Variants in IRAG2 observed in about 807,000 individuals in gnomAD.
The protein encoded by IRAG2 is lymphoid restricted membrane protein.
IRAG2 carries 45 observed loss-of-function variants against 69.9 expected under a neutral mutation model. The ratio of observed to expected loss-of-function variants is 0.64; its 90% CI spans 0.51 to 0.83. The LOEUF is 0.83. IRAG2 is among the 40% of genes least tolerant of loss of function. The pLI is 0.00. For synonymous variants in IRAG2, 193 were observed against 202.4 expected (o/e 0.95, Z 0.40); for missense variants, 520 against 587.0 (o/e 0.89, Z 1.18).
intron 3 of IRAG2, among the ~76,000 whole-genome samples, chr12:25,012,393 G>C (rs1394257157): frequency 2.0e-5 from 3 of 151,698 alleles, no homozygotes; most frequent in Non-Finnish European, 2.9e-5. Context: ...GATCTCAGCT[G>C]ATCTGCCCAC....
intron 16 of IRAG2, among the ~76,000 whole-genome samples, chr12:25,044,718 CGAT>C (rs1944778521): frequency 1.3e-5 from 2 of 151,280 alleles, no homozygotes; most frequent in South Asian, 4.2e-4. Context: ...CAAGAAAATA[CGAT>C]ATCTACACAC....
intron 6 of IRAG2, among the ~76,000 whole-genome samples, chr12:25,069,655 G>A (rs1380693456): frequency 1.3e-5 from 2 of 152,180 alleles, no homozygotes; most frequent in African/African-American, 4.8e-5. Context: ...CCTGTGTTTA[G>A]TATGCACTGT....
intron 8 of IRAG2, 27 bp from the exon 9 acceptor site, chr12:25,079,629 C>T (rs759417403): frequency 9.3e-6 from 13 of 1,400,032 alleles, no homozygotes; most frequent in South Asian, 2.3e-5. Flanking sequence ...GCATAGTATT[C>T]GCACCATTTG....
intron 10 of IRAG2, among the ~76,000 whole-genome samples, chr12:25,087,817 T>C (rs374239688): frequency 6.6e-6 from 1 of 152,098 alleles, no homozygotes; most frequent in South Asian, 2.1e-4. Context: ...ACGAACCCTA[T>C]TGTGAACTGT....
upstream of IRAG2, among the ~76,000 whole-genome samples, chr12:25,001,110 C>T (rs1944388547): frequency 1.3e-5 from 2 of 152,136 alleles, no homozygotes; most frequent in African/African-American, 4.8e-5. Context: ...ACAAGTTAAT[C>T]TTATGCAGCT....
chr12:25,095,606 T>C (rs981222199), intron 14 of IRAG2, among the ~76,000 whole-genome samples: 7 of 152,186 alleles, frequency 4.6e-5, no homozygotes, highest in Non-Finnish European at 7.4e-5. Context: ...TGTAGTTTTT[T>C]TTCTTTAATG....
At chr12:25,041,875 AT>A (rs111594944) in intron 16 of IRAG2, among the ~76,000 whole-genome samples, 1 of 49,232 alleles carries the variant, frequency 2.0e-5, no homozygotes, top group African/African-American at 3.8e-5. Flanking sequence ...TTTGTGACCC[AT>A]TTAAAAAAAA....
At chr12:25,017,154 C>T (rs1355476031) in exon 6 of IRAG2, 3 of 1,231,732 alleles carry the variant, frequency 2.4e-6, no homozygotes, top group Non-Finnish European at 3.0e-6. Context: ...GATTTGATTG[C>T]CTACGTAGCA....
intron 8 of IRAG2, among the ~76,000 whole-genome samples, chr12:25,025,178 A>G (rs957753167): frequency 1.3e-5 from 2 of 152,234 alleles, no homozygotes; most frequent in African/African-American, 4.8e-5. Context: ...GTTAGACGGT[A>G]AAAAGAGCTA....
chr12:25,016,694 C>T (rs1790585755), intron 5 of IRAG2, among the ~76,000 whole-genome samples: 1 of 149,950 alleles, frequency 6.7e-6, no homozygotes, highest in Non-Finnish European at 1.5e-5. Flanking sequence ...ATTTGGGAGG[C>T]GGAGGATCGT....
intron 5 of IRAG2, among the ~76,000 whole-genome samples, chr12:25,068,751 G>A (rs776313501): frequency 3.5e-4 from 53 of 152,180 alleles, no homozygotes; most frequent in Admixed American, 7.2e-4. Flanking sequence ...CTCCGTATCA[G>A]GAACCAGGAT....
At chr12:25,106,403 A>C (rs1026904155) in intron 20 of IRAG2, among the ~76,000 whole-genome samples, 1 of 136,208 alleles carries the variant, frequency 7.3e-6, no homozygotes, top group Admixed American at 8.0e-5. Context: ...ATATATTATA[A>C]ACTTTGTATA....
At chr12:25,075,148 G>T (rs1946595536) in intron 6 of IRAG2, among the ~76,000 whole-genome samples, 1 of 152,140 alleles carries the variant, frequency 6.6e-6, no homozygotes, top group African/African-American at 2.4e-5. Context: ...GCTTTGTTTA[G>T]GTTCCAGTAG....
At chr12:25,084,249 G>A (rs1208781248) in intron 10 of IRAG2, among the ~76,000 whole-genome samples, 1 of 152,082 alleles carries the variant, frequency 6.6e-6, no homozygotes, top group Admixed American at 6.6e-5. Context: ...AATCTGCCGG[G>A]TATGGTGGTG....
chr12:25,015,150 G>GTTT (rs1436751678), intron 3 of IRAG2: 412 of 932,218 alleles, frequency 4.4e-4, no homozygotes, highest in African/African-American at 3.2e-3. Flanking sequence ...TAGCTCACTG[G>GTTT]TTTTGTTTTT....
At chr12:25,070,098 A>G (rs1044924410) in intron 6 of IRAG2, among the ~76,000 whole-genome samples, 7 of 152,186 alleles carry the variant, frequency 4.6e-5, no homozygotes, top group African/African-American at 1.7e-4. Context: ...TCTTTCTTTT[A>G]CATTTTAATT....
intron 4 of IRAG2, 68 bp from the exon 5 acceptor site, chr12:25,066,297 C>G (rs1945979361): frequency 2.5e-6 from 1 of 399,780 alleles, no homozygotes; most frequent in Non-Finnish European, 4.4e-6. Flanking sequence ...GAAGGAAAGA[C>G]TTTATGCTTC....
At position 25,061,602 on chromosome 12, in the gene IRAG2, G is replaced by T. The variant is rs779744650; in HGVS notation, c.-436G>T. The T allele has an allele frequency of 3.5e-5, 14 of 398,454 alleles. No individual in the cohort carries two copies. Among genetic ancestry groups the T allele is most frequent in the Non-Finnish European group, 5.3e-5 (12 of 226,046 alleles). 24.7% of individuals were successfully genotyped at this position (398,454 alleles called of 1,614,324 possible). A position where few individuals can be genotyped will look rare whatever the true frequency, so the allele number is the denominator to read the frequency against. On this transcript the variant is annotated 5_prime_UTR_variant, in exon 2 of 22. Transcript: ENST00000556887. ...AAATTCTCTTTGTAGCAACAATTGA[G>T]TCACTTCAAAAGGAGTTCATTGAAG...
intron 10 of IRAG2, among the ~76,000 whole-genome samples, chr12:25,030,552 A>G (rs890360506): frequency 6.6e-6 from 1 of 151,996 alleles, no homozygotes; most frequent in Admixed American, 6.6e-5. Context: ...CAAGCCAGCT[A>G]ATTTTTGTAT....
Sources: allele counts gnomAD v4.1 joint callset (sites outside exome capture counted in the v4.1 genomes callset), GRCh38; gene constraint gnomAD v4.1.1; transcripts MANE v1.5; gene names NCBI Gene and HGNC (gene_info 2026-07-23, HGNC 2026-07-21).